Variants in MYO1E observed in about 807,000 individuals in gnomAD.
MYO1E encodes myosin IE.
In MYO1E, 68 loss-of-function variants were observed where a neutral mutation model predicts 151.1. The ratio of observed to expected loss-of-function variants is 0.45; its 90% confidence interval spans 0.37 to 0.55. MYO1E has a LOEUF of 0.55. MYO1E is among the 20% of genes least tolerant of loss of function. The pLI is 0.00. For missense variants in MYO1E, 1,363 were observed against 1,389.3 expected (o/e 0.98, Z 0.30); for synonymous variants, 601 against 501.7 (o/e 1.20, Z -2.64).
intron 1 of MYO1E, among the ~76,000 whole-genome samples, chr15:59,287,872 A>C (rs547315825): frequency 6.6e-6 from 1 of 152,196 alleles, no homozygotes; most frequent in Non-Finnish European, 1.5e-5. Flanking sequence ...GCAACCCTCA[A>C]CTAGAAGGAG....
intron 4 of MYO1E, among the ~76,000 whole-genome samples, chr15:59,237,768 A>T (rs2140358834): frequency 6.6e-6 from 1 of 152,392 alleles, no homozygotes; most frequent in East Asian, 1.9e-4. Context: ...TTGGGGAACA[A>T]CCAAGCAAGG....
chr15:59,254,676 G>T (rs1566993136), intron 4 of MYO1E, among the ~76,000 whole-genome samples: 1 of 150,352 alleles, frequency 6.7e-6, no homozygotes, highest in East Asian at 1.9e-4. Context: ...ACAATAAAAG[G>T]TTTTTTTTTT....
chr15:59,339,446 G>A (rs1356638410), intron 1 of MYO1E, among the ~76,000 whole-genome samples: 2 of 152,174 alleles, frequency 1.3e-5, no homozygotes, highest in African/African-American at 4.8e-5. Context: ...CCATACTGTA[G>A]AATTGGTATT....
intron 4 of MYO1E, among the ~76,000 whole-genome samples, chr15:59,249,277 T>A (rs1480329408): frequency 1.3e-5 from 2 of 151,964 alleles, no homozygotes; most frequent in African/African-American, 4.8e-5. Flanking sequence ...CAAAAAAAAT[T>A]AGCTGGGTGT....
rs1257866668 is a variant in MYO1E at position 59,330,926 on chromosome 15, C to T, written c.3+41572G>A. On this transcript the variant is annotated intron_variant, in intron 1 of 27. Transcript: ENST00000288235. ...CTGGGACCACAGGCATGCACCATCA[C>T]GCCCAGCTAACTTTTTAAAAATCTG... Among the ~76,000 whole-genome samples, 6 of 152,198 alleles carry T rather than the reference C, an allele frequency of 3.9e-5. No homozygotes were observed. In the East Asian group the frequency reaches 9.7e-4, roughly 25 times the overall value.
At chr15:59,368,709 G>A (rs1165432410) in intron 1 of MYO1E, among the ~76,000 whole-genome samples, 1 of 151,994 alleles carries the variant, frequency 6.6e-6, no homozygotes, top group Non-Finnish European at 1.5e-5. Context: ...TCGCGCCAGT[G>A]CACTCCAGCC....
chr15:59,352,494 A>G (rs1301057155), intron 1 of MYO1E, among the ~76,000 whole-genome samples: 1 of 152,210 alleles, frequency 6.6e-6, no homozygotes, highest in African/African-American at 2.4e-5. Flanking sequence ...CAACCTAAAT[A>G]CGCATGTGTC....
At chr15:59,289,299 G>C (rs1489679808) in intron 1 of MYO1E, among the ~76,000 whole-genome samples, 1 of 152,130 alleles carries the variant, frequency 6.6e-6, no homozygotes, top group South Asian at 2.1e-4. Flanking sequence ...GCTGAATCCA[G>C]GCATTTATAT....
At chr15:59,366,607 T>G (rs536836137) in intron 1 of MYO1E, among the ~76,000 whole-genome samples, 2 of 152,188 alleles carry the variant, frequency 1.3e-5, no homozygotes, top group African/African-American at 2.4e-5. Context: ...CGGGCCAACT[T>G]CATTCACATG....
intron 1 of MYO1E, among the ~76,000 whole-genome samples, chr15:59,273,293 G>C (rs1286824052): frequency 6.6e-6 from 1 of 152,168 alleles, no homozygotes. Context: ...TCTGTAGTGG[G>C]GTCCCCCATG....
chr15:59,161,288 A>G (rs1298954872), intron 23 of MYO1E, 58 bp from the exon 24 acceptor site: 1 of 1,573,914 alleles, frequency 6.4e-7, no homozygotes. Flanking sequence ...AACGGTGCTC[A>G]GAGATCCCGC....
At position 59,190,530 on chromosome 15, in the gene MYO1E, T is replaced by C. The variant is rs565843435; in HGVS notation, c.1806-2314A>G. On this transcript the variant is annotated intron_variant, in intron 17 of 27. Coordinates refer to ENST00000288235, the MANE Select transcript of MYO1E (RefSeq NM_004998.4). ...GTCACACACAGTGCCTATTGCAACA[T>C]GCTAGGGTCACCAAAAAAGGACAAT... Among the ~76,000 whole-genome samples, 5 of 152,322 alleles carry C rather than the reference T, an allele frequency of 3.3e-5. No individual in the cohort carries two copies. The East Asian group carries it at 7.7e-4, about 24-fold the overall frequency.
At chr15:59,283,529 AAGACCT>A (rs1384939956) in intron 1 of MYO1E, among the ~76,000 whole-genome samples, 120 of 152,272 alleles carry the variant, frequency 7.9e-4, no homozygotes, top group Middle Eastern at 3.4e-3. Flanking sequence ...ATTCTGCCCC[AAGACCT>A]AGTAGAGTGC....
chr15:59,188,649 T>C (rs1852855525), intron 17 of MYO1E, among the ~76,000 whole-genome samples: 1 of 152,098 alleles, frequency 6.6e-6, no homozygotes, highest in Non-Finnish European at 1.5e-5. Flanking sequence ...TGAGCTGAGA[T>C]TGCACCACTG....
chr15:59,301,476 T>G (rs1177730958), intron 1 of MYO1E, among the ~76,000 whole-genome samples: 1 of 152,148 alleles, frequency 6.6e-6, no homozygotes, highest in Non-Finnish European at 1.5e-5. Flanking sequence ...GATGCCCTCA[T>G]CCCCTCACCG....
chr15:59,264,693 A>C (rs1379565690), intron 2 of MYO1E, among the ~76,000 whole-genome samples: 1 of 152,208 alleles, frequency 6.6e-6, no homozygotes, highest in Non-Finnish European at 1.5e-5. Context: ...GGATTTTTAA[A>C]GTATCTTTTC....
At chr15:59,251,952 T>A (rs2080167550) in intron 4 of MYO1E, among the ~76,000 whole-genome samples, 1 of 152,240 alleles carries the variant, frequency 6.6e-6, no homozygotes, top group South Asian at 2.1e-4. Context: ...GTATTGCTAC[T>A]AATAATATTG....
At chr15:59,269,420 G>T (rs535261265) in intron 2 of MYO1E, among the ~76,000 whole-genome samples, 4 of 152,300 alleles carry the variant, frequency 2.6e-5, no homozygotes, top group Non-Finnish European at 5.9e-5. Flanking sequence ...TTAACTGCCA[G>T]TTTTCATGTG....
intron 26 of MYO1E, among the ~76,000 whole-genome samples, chr15:59,153,242 C>G (rs1219787613): frequency 1.3e-5 from 2 of 152,174 alleles, no homozygotes; most frequent in African/African-American, 4.8e-5. Context: ...ATTTATGCAA[C>G]TGCAGGCACA....
Sources: allele counts gnomAD v4.1 joint callset (sites outside exome capture counted in the v4.1 genomes callset), GRCh38; gene constraint gnomAD v4.1.1; transcripts MANE v1.5; gene names NCBI Gene and HGNC (gene_info 2026-07-23, HGNC 2026-07-21).